Variants in C16orf90 observed in about 807,000 individuals in gnomAD.
The protein encoded by C16orf90 is uncharacterized protein C16orf90.
In C16orf90, 17 loss-of-function variants were observed where a neutral mutation model predicts 17.1. The observed-to-expected ratio is 1.00, with a 90% confidence interval of 0.68 to 1.49. The LOEUF (loss-of-function observed/expected upper bound fraction) is 1.49, where lower values mean the gene tolerates loss of function less well. C16orf90 is among the 40% of genes most tolerant of loss of function. The pLI is 0.00. For missense variants in C16orf90, 255 were observed against 235.5 expected, an observed-to-expected ratio of 1.08 and a Z score of -0.54; for synonymous variants, 108 against 95.8, an observed-to-expected ratio of 1.13 and a Z score of -0.75.
At chr16:3,494,971 A>T in intron 1 of C16orf90, 94 bp from the exon 2 acceptor site, 2 of 971,972 alleles carry the variant, frequency 2.1e-6, no homozygotes, top group Non-Finnish European at 3.0e-6. Flanking sequence ...AGCTCACATG[A>T]TGGGCTACAC....
In C16orf90 at chr16:3,495,405, C is replaced by T. The variant is rs573681049; in HGVS notation, c.17G>A (p.Cys6Tyr). The T allele has an allele frequency of 5.3e-4, 858 of 1,610,404 alleles. 11 individuals carry two copies. The South Asian group carries it at 9.0e-3, about 17-fold the overall frequency. The change falls in exon 1 of 3, where the codon TGT (cysteine) becomes TAT (tyrosine). Residue 6 changes from cysteine (C) to tyrosine (Y), a missense_variant. Physicochemically the swap from Cys to Tyr is radical, Grantham distance 194. Transcript: ENST00000437192. MEALVCAFSELHIRED... is the reference protein window; with the variant it reads MEALVYAFSELHIRED... The stretch of plus-strand genomic sequence containing the variant: ...TCTTATGTGCAGCTCAGAAAATGCA[C>T]AGACCAAGGCTTCCATGGAGGGCCA...
chr16:3,494,162 A>G (rs879754918), intron 2 of C16orf90, among the ~76,000 whole-genome samples, 175 bp from the exon 3 acceptor site: 2 of 152,080 alleles, frequency 1.3e-5, no homozygotes, highest in African/African-American at 2.4e-5. Flanking sequence ...GAGGGAACAG[A>G]ATGGTTCAAG....
upstream of C16orf90, chr16:3,495,626 G>A (rs181339878): frequency 7.1e-5 from 81 of 1,133,944 alleles, no homozygotes; most frequent in African/African-American, 1.2e-3. Context: ...GGCATGGGAA[G>A]GGGCCAGAAC....
At chr16:3,495,552 C>A, upstream of C16orf90, 1 of 1,497,990 alleles carries the variant, frequency 6.7e-7, no homozygotes, top group Non-Finnish European at 8.9e-7. Flanking sequence ...GGAAGACTCC[C>A]AGCCTTCCTG....
Position 3,494,745 on chromosome 16 carries a change from C to A in C16orf90, c.179G>T (p.Arg60Leu). 1 of 1,603,892 alleles carries A rather than the reference C, an allele frequency of 6.2e-7. No individual in the cohort carries two copies. The highest frequency in any genetic ancestry group is 8.5e-7 in the Non-Finnish European group (1 of 1,176,026). The change falls in exon 2 of 3, where the codon CGC becomes CTC. Residue 60 changes from arginine to leucine, a missense_variant. Arg to Leu is a moderately radical substitution (Grantham distance 102). Coordinates refer to ENST00000437192, the MANE Select transcript of C16orf90 (RefSeq NM_001080524.2). ...QGSKPKNFRL[R>L]HLRGLGLYLE... Reference sequence around the variant, plus strand: ...GTAGAGGCCCAGGCCCCGGAGGTGGCGCAGCCGGAAGTTCTTGGGCTTGCT... The same window carrying A: ...GTAGAGGCCCAGGCCCCGGAGGTGGAGCAGCCGGAAGTTCTTGGGCTTGCT...
upstream of C16orf90, chr16:3,496,145 A>G: frequency 2.4e-6 from 1 of 412,612 alleles, no homozygotes; most frequent in Non-Finnish European, 4.6e-6. Flanking sequence ...CGTCTCAAAA[A>G]AAAAAAAAAG....
chr16:3,496,412 A>G, upstream of C16orf90: 1 of 1,009,706 alleles, frequency 9.9e-7, no homozygotes, highest in Non-Finnish European at 1.5e-6. Context: ...GATCCGGAAG[A>G]TGAAGCTTCC....
At chr16:3,494,973 G>T in intron 1 of C16orf90, 96 bp from the exon 2 acceptor site, 1 of 956,372 alleles carries the variant, frequency 1.0e-6, no homozygotes, top group Non-Finnish European at 1.5e-6. Context: ...CTCACATGAT[G>T]GGCTACACCC....
At chr16:3,494,125 C>G (rs1452689568) in intron 2 of C16orf90, 138 bp from the exon 3 acceptor site, 1 of 727,998 alleles carries the variant, frequency 1.4e-6, no homozygotes, top group East Asian at 2.7e-5. Context: ...TCCTCCTTAA[C>G]AGAATCCCCA....
At position 3,494,687 on chromosome 16, in the gene C16orf90, A is replaced by G. The variant is rs1179504837; in HGVS notation, c.237T>C (p.Cys79=). Residue 79 remains cysteine, a synonymous_variant, in exon 2 of 3, where the codon TGT becomes TGC. Coordinates refer to ENST00000437192, the MANE Select transcript of C16orf90 (RefSeq NM_001080524.2). The part of the protein sequence containing the change: ...LESHPPPTGQ[C]ESHWLGRLMA... ...TAAGCCGGCCCAGCCAGTGGCTCTC[A>G]CACTGGCCAGTGGGTGGCGGGTGGC... 6.2e-7 allele frequency: 1 copy of G among 1,610,952 alleles called. No individual in the cohort carries two copies. Among genetic ancestry groups the G allele is most frequent in the Admixed American group, 1.7e-5 (1 of 59,794 alleles).
chr16:3,494,745 C>T lies in C16orf90; in HGVS notation c.179G>A (p.Arg60His), dbSNP rs756424414. 26 of 1,603,772 alleles carry T rather than the reference C, an allele frequency of 1.6e-5. No homozygotes were observed. Among genetic ancestry groups the T allele is most frequent in the Admixed American group, 6.7e-5 (4 of 59,278 alleles). The change falls in exon 2 of 3, where the codon CGC (arginine) becomes CAC (histidine). Residue 60 changes from arginine to histidine, a missense_variant. Physicochemically the swap from Arg to His is conservative, Grantham distance 29 (BLOSUM62 0). Coordinates refer to ENST00000437192, the MANE Select transcript of C16orf90 (RefSeq NM_001080524.2). ...QGSKPKNFRL[R>H]HLRGLGLYLE... ...GTAGAGGCCCAGGCCCCGGAGGTGG[C>T]GCAGCCGGAAGTTCTTGGGCTTGCT...
At position 3,494,801 on chromosome 16, in the gene C16orf90, G is replaced by A; in HGVS notation, c.123C>T (p.Ser41=). 1 of 1,582,120 alleles carries A rather than the reference G, an allele frequency of 6.3e-7. No homozygotes were observed. Among genetic ancestry groups the A allele is most frequent in the Non-Finnish European group, 8.6e-7 (1 of 1,166,038 alleles). ...GGGCACTGGGGCACTGCGGCTGCGG[G>A]GACCCCAGGCCCCCCTCGTAGATGT... ...PPNIYEGGLG[S]PQPQCPSAQG... Residue 41 remains serine (S), a synonymous_variant, in exon 2 of 3, where the codon TCC becomes TCT. Coordinates refer to ENST00000437192, the MANE Select transcript of C16orf90 (RefSeq NM_001080524.2).
upstream of C16orf90, chr16:3,496,548 G>A: frequency 3.6e-6 from 2 of 550,854 alleles, no homozygotes; most frequent in Non-Finnish European, 7.1e-6. Flanking sequence ...GGCATCCTCA[G>A]GGTGGGGGCC....
At chr16:3,495,514 C>T, upstream of C16orf90, 3 of 1,550,322 alleles carry the variant, frequency 1.9e-6, no homozygotes, top group Middle Eastern at 3.5e-4. Flanking sequence ...CAGGTCTCCC[C>T]TGGCAACTGG....
rs2037259535 is a variant in C16orf90 at position 3,493,638 on chromosome 16, C to T, written c.*201G>A. The T allele has an allele frequency of 2.0e-6, 1 of 496,448 alleles. No homozygotes were observed. Among genetic ancestry groups the T allele is most frequent in the East Asian group, 3.1e-5 (1 of 32,424 alleles). The allele number at this position is 496,448 out of a possible 1,614,324, so 30.8% of individuals were successfully genotyped here. A position where few individuals can be genotyped will look rare whatever the true frequency, so the allele number is the denominator to read the frequency against. On this transcript the variant is annotated 3_prime_UTR_variant, in exon 3 of 3. Transcript: ENST00000437192. The stretch of plus-strand genomic sequence containing the variant: ...AGGCTGCAAGGGCACGGCCATGCTT[C>T]TATTGCTTCTGCCCCTCCCTCGGAA...
chr16:3,494,963 C>G, intron 1 of C16orf90, 86 bp from the exon 2 acceptor site: 1 of 1,033,266 alleles, frequency 9.7e-7, no homozygotes, highest in Non-Finnish European at 1.4e-6. Flanking sequence ...CTGAGACCAG[C>G]TCACATGATG....
In C16orf90 at chr16:3,493,575, C is replaced by T. The variant is rs1200106577; in HGVS notation, c.*264G>A. ...GGGGGGCCTGATTCTGCACTCAGCC[C>T]GGCCTCCCAGGTACAAGTGGCTGAC... On this transcript the variant is annotated 3_prime_UTR_variant, in exon 3 of 3. Transcript: ENST00000437192. 1 of 328,904 alleles carries T rather than the reference C, an allele frequency of 3.0e-6. No homozygotes were observed. Among genetic ancestry groups the T allele is most frequent in the Non-Finnish European group, 5.8e-6 (1 of 172,092 alleles). 20.4% of individuals were successfully genotyped at this position (328,904 alleles called of 1,614,324 possible).
upstream of C16orf90, chr16:3,495,541 G>T: frequency 6.6e-7 from 1 of 1,516,630 alleles, no homozygotes; most frequent in Non-Finnish European, 8.8e-7. Flanking sequence ...TGACATCACG[G>T]GGAAGACTCC....
intron 2 of C16orf90, 70 bp from the exon 3 acceptor site, chr16:3,494,057 C>T (rs1024801874): frequency 8.7e-6 from 12 of 1,377,140 alleles, no homozygotes; most frequent in African/African-American, 2.9e-5. Flanking sequence ...GCTGGCAGCC[C>T]ACCCTGGGGT....
Sources: allele counts gnomAD v4.1 joint callset (sites outside exome capture counted in the v4.1 genomes callset), GRCh38; gene constraint gnomAD v4.1.1; transcripts MANE v1.5; gene names NCBI Gene and HGNC (gene_info 2026-07-23, HGNC 2026-07-21).